CNTN4: variants seen among roughly 807,000 people sequenced by gnomAD.
CNTN4 encodes contactin 4, also known as contactin-4.
A neutral mutation model predicts 122.5 loss-of-function variants in CNTN4; 77 were observed. The ratio of observed to expected loss-of-function variants is 0.63; its 90% confidence interval spans 0.52 to 0.76. The LOEUF (loss-of-function observed/expected upper bound fraction) is 0.76. Ranked by LOEUF, CNTN4 falls within the 30% of genes least tolerant of loss-of-function variation. CNTN4 has a pLI of 0.00. For missense variants in CNTN4, 1,256 were observed against 1,259.1 expected, an observed-to-expected ratio of 1.00 and a Z score of 0.04; for synonymous variants, 512 against 447.0, an observed-to-expected ratio of 1.15 and a Z score of -1.83.
At chr3:2,133,050 A>G (rs1198635716) in intron 2 of CNTN4, among the ~76,000 whole-genome samples, 1 of 152,160 alleles carries the variant, frequency 6.6e-6, no homozygotes, top group East Asian at 1.9e-4. Flanking sequence ...CAGAGGGACA[A>G]AAATGAAGGA....
chr3:2,865,990 T>A (rs927744979), intron 7 of CNTN4, among the ~76,000 whole-genome samples: 1 of 152,198 alleles, frequency 6.6e-6, no homozygotes, highest in Non-Finnish European at 1.5e-5. Flanking sequence ...TAATTTTTTT[T>A]AATATGGATG....
At chr3:2,241,611 C>G (rs1357519943) in intron 2 of CNTN4, among the ~76,000 whole-genome samples, 4 of 152,138 alleles carry the variant, frequency 2.6e-5, no homozygotes, top group Admixed American at 2.6e-4. Context: ...ACTCTTTACT[C>G]AAGGTCACTA....
At chr3:2,378,555 G>A (rs2045907403) in intron 3 of CNTN4, among the ~76,000 whole-genome samples, 1 of 152,132 alleles carries the variant, frequency 6.6e-6, no homozygotes, top group Admixed American at 6.5e-5. Context: ...TATTCAACAT[G>A]TTTTGGAACA....
chr3:2,895,945 A>C (rs1021906346), intron 10 of CNTN4, among the ~76,000 whole-genome samples: 7 of 152,174 alleles, frequency 4.6e-5, no homozygotes, highest in African/African-American at 7.2e-5. Flanking sequence ...AGGCAGGAGA[A>C]TGGCGTGAAC....
chr3:2,525,893 C>T (rs2077381535), intron 3 of CNTN4, among the ~76,000 whole-genome samples: 1 of 152,086 alleles, frequency 6.6e-6, no homozygotes, highest in Non-Finnish European at 1.5e-5. Flanking sequence ...CAAACACATG[C>T]TTACATTGTC....
chr3:2,970,908 C>G (rs538732482), intron 13 of CNTN4, among the ~76,000 whole-genome samples: 35 of 152,210 alleles, frequency 2.3e-4, no homozygotes, highest in Middle Eastern at 6.8e-3. Flanking sequence ...CTGACTCAGC[C>G]CCCCGAGTAG....
At chr3:2,906,507 A>G (rs986891462) in intron 12 of CNTN4, among the ~76,000 whole-genome samples, 1 of 152,190 alleles carries the variant, frequency 6.6e-6, no homozygotes, top group African/African-American at 2.4e-5. Flanking sequence ...TTTGATTCAA[A>G]TACATAAAGC....
chr3:2,125,467 G>A (rs754110926), intron 2 of CNTN4, among the ~76,000 whole-genome samples: 22 of 151,856 alleles, frequency 1.4e-4, no homozygotes, highest in Non-Finnish European at 3.2e-4. Context: ...TCATGGGAGT[G>A]CAGATATCAC....
chr3:2,120,604 T>C (rs1257140751), intron 2 of CNTN4, among the ~76,000 whole-genome samples: 1 of 151,234 alleles, frequency 6.6e-6, no homozygotes, highest in Non-Finnish European at 1.5e-5. Context: ...GGGTTCTCCA[T>C]GTTGATGAGG....
At chr3:2,583,740 A>T (rs2080051945) in intron 4 of CNTN4, among the ~76,000 whole-genome samples, 1 of 152,246 alleles carries the variant, frequency 6.6e-6, no homozygotes, top group Non-Finnish European at 1.5e-5. Context: ...TTCATTTAAT[A>T]ACAATTTGTT....
chr3:2,623,866 T>G (rs1437442503), intron 4 of CNTN4, among the ~76,000 whole-genome samples: 1 of 151,914 alleles, frequency 6.6e-6, no homozygotes, highest in Non-Finnish European at 1.5e-5. Context: ...TACGTCAGGG[T>G]TTCTTAACCA....
chr3:2,511,175 CCAAA>C (rs1191028154), intron 3 of CNTN4, among the ~76,000 whole-genome samples: 1 of 152,172 alleles, frequency 6.6e-6, no homozygotes, highest in East Asian at 1.9e-4. Context: ...ACCCTATGTA[CCAAA>C]CAACCAGTGT....
chr3:2,437,846 G>C (rs56026668), intron 3 of CNTN4, among the ~76,000 whole-genome samples: 1,932 of 152,292 alleles, frequency 0.013, 42 homozygotes, highest in South Asian at 0.065. Context: ...GGGAGAGTTC[G>C]TGTAGATGTC....
chr3:2,851,344 A>C (rs2093547242), intron 7 of CNTN4, among the ~76,000 whole-genome samples: 1 of 152,156 alleles, frequency 6.6e-6, no homozygotes, highest in Non-Finnish European at 1.5e-5. Context: ...TCCTCTCCTT[A>C]TCCTAAAACC....
chr3:2,836,853 C>CAT (rs2093237658), intron 7 of CNTN4, among the ~76,000 whole-genome samples: 1 of 151,964 alleles, frequency 6.6e-6, no homozygotes, highest in Admixed American at 6.6e-5. Flanking sequence ...CATCATGGCA[C>CAT]ATATATATCT....
chr3:2,720,028 A>G (rs1019679855), intron 4 of CNTN4, among the ~76,000 whole-genome samples: 1 of 152,124 alleles, frequency 6.6e-6, no homozygotes, highest in Admixed American at 6.5e-5. Context: ...GACCACATTA[A>G]CTCAAGTGTC....
At chr3:2,301,382 A>G (rs1377475979) in intron 2 of CNTN4, among the ~76,000 whole-genome samples, 2 of 152,230 alleles carry the variant, frequency 1.3e-5, no homozygotes, top group Admixed American at 1.3e-4. Context: ...TATTTTATTA[A>G]ACACAATAAA....
At chr3:2,590,876 A>C (rs1469382075) in intron 4 of CNTN4, among the ~76,000 whole-genome samples, 3 of 152,304 alleles carry the variant, frequency 2.0e-5, no homozygotes, top group African/African-American at 4.8e-5. Flanking sequence ...TTTATTAAAA[A>C]AAAAAGCTGT....
intron 4 of CNTN4, among the ~76,000 whole-genome samples, chr3:2,628,129 C>T (rs1434274402): frequency 2.0e-5 from 3 of 152,174 alleles, no homozygotes; most frequent in African/African-American, 4.8e-5. Flanking sequence ...CATTGTAAGC[C>T]GTTTTTCCTC....
Sources: allele counts gnomAD v4.1 joint callset (sites outside exome capture counted in the v4.1 genomes callset), GRCh38; gene constraint gnomAD v4.1.1; transcripts MANE v1.5; gene names NCBI Gene and HGNC (gene_info 2026-07-23, HGNC 2026-07-21).